CELF1: variants seen among roughly 807,000 people sequenced by gnomAD.
CELF1 encodes the protein 50 kDa nuclear polyadenylated RNA-binding protein.
A neutral mutation model predicts 61.8 loss-of-function variants in CELF1; 10 were observed. The observed-to-expected ratio is 0.16, with a 90% confidence interval of 0.10 to 0.27. The LOEUF is 0.27. Among genes scored for constraint, CELF1 ranks in the 10% least tolerant of loss-of-function variants. CELF1 has a pLI of 1.00. For synonymous variants in CELF1, 236 were observed against 225.1 expected (o/e 1.05, Z -0.43); for missense variants, 380 against 639.1 (o/e 0.59, Z 4.37).
intron 3 of CELF1, among the ~76,000 whole-genome samples, chr11:47,495,395 G>A (rs1473323120): frequency 6.6e-6 from 1 of 152,192 alleles, no homozygotes; most frequent in South Asian, 2.1e-4. Context: ...GGGGAAGGGA[G>A]ACATGGAGAA....
chr11:47,475,296 C>G, intron 13 of CELF1, 40 bp downstream of exon 13: 2 of 1,600,062 alleles, frequency 1.2e-6, no homozygotes, highest in Non-Finnish European at 1.7e-6. Flanking sequence ...AGGAGGAAAA[C>G]CGCCCCCCAT....
rs1353431088 is a variant in CELF1 at position 47,499,515 on chromosome 11, C to T, written c.9G>A (p.Ala3=). The T allele has an allele frequency of 5.2e-6, 8 of 1,535,776 alleles. No individual in the cohort carries two copies. Among genetic ancestry groups the T allele is most frequent in the South Asian group, 2.4e-5 (2 of 84,060 alleles). Residue 3 remains alanine, a synonymous_variant, in exon 3 of 15, where the codon GCG becomes GCA. Transcript: ENST00000687097. Reference sequence around the variant, plus strand: ...TTTCTGGAAGGAAATCCAACTTAAACGCAGCCATCACCTCACTCTCCCCTT... The same window carrying T: ...TTTCTGGAAGGAAATCCAACTTAAATGCAGCCATCACCTCACTCTCCCCTT... MA[A]FKLDFLPEMM...
chr11:47,520,989 C>T (rs566924650), intron 1 of CELF1, among the ~76,000 whole-genome samples: 2 of 152,008 alleles, frequency 1.3e-5, no homozygotes, highest in East Asian at 2.0e-4. Context: ...TGGTGGCTCA[C>T]GCCTGTAATC....
chr11:47,505,732 C>T (rs1429558445), intron 1 of CELF1, among the ~76,000 whole-genome samples: 2 of 150,122 alleles, frequency 1.3e-5, no homozygotes, highest in East Asian at 1.9e-4. Flanking sequence ...TGGCAGATCA[C>T]CTGAGGTCAG....
upstream of CELF1, chr11:47,557,753 A>G (rs1183291325): frequency 6.6e-6 from 1 of 151,266 alleles, no homozygotes; most frequent in Non-Finnish European, 1.5e-5. Context: ...ACTATAGCCC[A>G]GAACTTCTGG....
At chr11:47,540,215 T>C (rs2096738737) in intron 1 of CELF1, among the ~76,000 whole-genome samples, 1 of 152,112 alleles carries the variant, frequency 6.6e-6, no homozygotes, top group Non-Finnish European at 1.5e-5. Context: ...GGTACAGGAA[T>C]GAATGGACAG....
intron 6 of CELF1, among the ~76,000 whole-genome samples, chr11:47,485,151 G>A (rs2085939660): frequency 1.3e-5 from 2 of 152,220 alleles, no homozygotes; most frequent in Admixed American, 6.5e-5. Context: ...GCTATTAAAT[G>A]TGAAGTACTT....
At chr11:47,539,051 A>C (rs2153715176) in intron 1 of CELF1, among the ~76,000 whole-genome samples, 1 of 152,310 alleles carries the variant, frequency 6.6e-6, no homozygotes, top group East Asian at 1.9e-4. Flanking sequence ...CAATCAGGAA[A>C]CTAAAACAAA....
intron 7 of CELF1, 70 bp downstream of exon 7, chr11:47,484,319 A>G: frequency 7.6e-7 from 1 of 1,317,434 alleles, no homozygotes; most frequent in South Asian, 1.5e-5. Context: ...CTTGTCTCCA[A>G]AAAAAAAAAA....
At chr11:47,507,387 T>G (rs187388147) in intron 1 of CELF1, among the ~76,000 whole-genome samples, 9 of 152,044 alleles carry the variant, frequency 5.9e-5, no homozygotes. Flanking sequence ...GGCATGAAAC[T>G]CTACAAAAGC....
chr11:47,551,614 T>C (rs757897674), intron 1 of CELF1, among the ~76,000 whole-genome samples: 18 of 152,210 alleles, frequency 1.2e-4, no homozygotes, highest in Non-Finnish European at 2.5e-4. Flanking sequence ...AGGCTGAAAC[T>C]TCCAAAGCGC....
At chr11:47,541,383 T>C (rs1239821079) in intron 1 of CELF1, among the ~76,000 whole-genome samples, 1 of 152,088 alleles carries the variant, frequency 6.6e-6, no homozygotes, top group East Asian at 1.9e-4. Flanking sequence ...AGAGTAGCAA[T>C]GTTACTATGA....
intron 1 of CELF1, among the ~76,000 whole-genome samples, chr11:47,533,051 C>G (rs970442365): frequency 6.6e-6 from 1 of 151,448 alleles, no homozygotes; most frequent in Non-Finnish European, 1.5e-5. Flanking sequence ...ACTAGGATTC[C>G]TGGGGGTGGA....
At chr11:47,482,537 C>CT in intron 9 of CELF1, 158 bp downstream of exon 9, 1 of 592,106 alleles carries the variant, frequency 1.7e-6, no homozygotes, top group Non-Finnish European at 2.9e-6. Context: ...GAGAAAGAGA[C>CT]TAACAGGACT....
intron 2 of CELF1, 40 bp from the exon 3 acceptor site, chr11:47,499,644 A>G: frequency 1.4e-6 from 1 of 729,722 alleles, no homozygotes; most frequent in Non-Finnish European, 2.3e-6. Context: ...ACAGGAGCTC[A>G]GGGAAACCAG....
rs190298062 is a variant in CELF1 at position 47,481,187 on chromosome 11, C to G, written c.768+1508G>C. 1.0e-3 allele frequency among the ~76,000 whole-genome samples: 137 copies of G among 131,298 alleles called. No individual in the cohort carries two copies. In the East Asian group the frequency reaches 0.022, roughly 21 times the overall value. 86.1% of individuals were successfully genotyped at this position (131,298 alleles called of 152,430 possible). ...AGTGCAATGGTGCGATCTTGGCTCA[C>G]TGCAACCTCCGCTCAGTGCAACCTC... On this transcript the variant is annotated intron_variant, in intron 9 of 14. Transcript: ENST00000687097.
At chr11:47,474,178 C>T (rs1038208062) in intron 13 of CELF1, among the ~76,000 whole-genome samples, 3 of 152,126 alleles carry the variant, frequency 2.0e-5, no homozygotes, top group Non-Finnish European at 2.9e-5. Flanking sequence ...ATTACAGGCG[C>T]GAGCCACTGC....
intron 1 of CELF1, among the ~76,000 whole-genome samples, chr11:47,534,129 A>G (rs2096569665): frequency 6.8e-6 from 1 of 146,104 alleles, no homozygotes; most frequent in African/African-American, 2.5e-5. Context: ...CCTTAGTTCA[A>G]ACTACTCTCC....
chr11:47,475,361 A>G lies in CELF1; in HGVS notation c.1248T>C (p.Ile416=). The change falls in exon 13 of 15, where the codon ATT becomes ATC. Residue 416 remains isoleucine (I), a synonymous_variant. Coordinates refer to ENST00000687097, the MANE Select transcript of CELF1 (RefSeq NM_001376376.1). ...YNQNLLTQQS[I]GAAGSQKEGP... Reference sequence around the variant, plus strand: ...CTTCCTTCTGGCTTCCAGCAGCACCAATACTCTGCTGTGTCAGAAGATTCT... The same window carrying G: ...CTTCCTTCTGGCTTCCAGCAGCACCGATACTCTGCTGTGTCAGAAGATTCT... 6.2e-7 allele frequency: 1 copy of G among 1,613,922 alleles called. No individual in the cohort carries two copies. Among genetic ancestry groups the G allele is most frequent in the Non-Finnish European group, 8.5e-7 (1 of 1,180,006 alleles).
Sources: allele counts gnomAD v4.1 joint callset (sites outside exome capture counted in the v4.1 genomes callset), GRCh38; gene constraint gnomAD v4.1.1; transcripts MANE v1.5; gene names NCBI Gene and HGNC (gene_info 2026-07-23, HGNC 2026-07-21).